Variants in KIAA1217 observed in about 807,000 individuals in gnomAD.
The protein encoded by KIAA1217 is KIAA1217, also known as sickle tail protein homolog.
A neutral mutation model predicts 163.9 loss-of-function variants in KIAA1217; 88 were observed. That is an observed-to-expected ratio of 0.54 (90% CI 0.45 to 0.64). The LOEUF (loss-of-function observed/expected upper bound fraction) is 0.64, where lower values mean the gene tolerates loss of function less well. Ranked by LOEUF, KIAA1217 falls within the 30% of genes least tolerant of loss-of-function variation. The pLI, the probability that KIAA1217 is intolerant of heterozygous loss-of-function variation, is 0.00. For synonymous variants in KIAA1217, 903 were observed against 923.1 expected (o/e 0.98, Z 0.39); for missense variants, 2,372 against 2,475.0 (o/e 0.96, Z 0.88).
chr10:24,201,602 C>T (rs1009670355), intron 2 of KIAA1217, among the ~76,000 whole-genome samples: 1 of 152,074 alleles, frequency 6.6e-6, no homozygotes, highest in East Asian at 1.9e-4. Context: ...CCAGCACCCC[C>T]TCTACCCACT....
intron 2 of KIAA1217, among the ~76,000 whole-genome samples, chr10:24,166,508 C>A (rs879918515): frequency 6.6e-6 from 1 of 152,032 alleles, no homozygotes; most frequent in African/African-American, 2.4e-5. Flanking sequence ...CAGGTCAAGG[C>A]GGGTGGATCA....
chr10:24,501,560 C>A lies in KIAA1217; in HGVS notation c.2001+15C>A. The A allele has an allele frequency of 6.2e-7, 1 of 1,607,958 alleles. No homozygotes were observed. The highest frequency in any genetic ancestry group is 1.1e-5 in the South Asian group (1 of 90,776). On this transcript the variant is annotated intron_variant, in intron 9 of 20. Transcript: ENST00000376454. ...GGCAGCTCCAGGTATTCCTCATGCACGGCGGCCTCTGTCTCGGTTGCCCTG... is the reference window on the plus strand; with the variant it reads ...GGCAGCTCCAGGTATTCCTCATGCAAGGCGGCCTCTGTCTCGGTTGCCCTG...
chr10:24,065,318 G>A (rs1457406820), intron 2 of KIAA1217, among the ~76,000 whole-genome samples: 2 of 151,958 alleles, frequency 1.3e-5, no homozygotes, highest in Non-Finnish European at 2.9e-5. Context: ...CTTTGAATGT[G>A]TCCCAGAGAT....
At chr10:24,534,989 G>A (rs1361434917) in intron 16 of KIAA1217, among the ~76,000 whole-genome samples, 1 of 150,562 alleles carries the variant, frequency 6.6e-6, no homozygotes, top group Non-Finnish European at 1.5e-5. Flanking sequence ...TGCTAAATCC[G>A]CAACTCGATC....
intron 1 of KIAA1217, among the ~76,000 whole-genome samples, chr10:23,790,407 A>ATATG (rs1835795014): frequency 9.5e-6 from 1 of 105,802 alleles, no homozygotes; most frequent in Non-Finnish European, 1.9e-5. Flanking sequence ...ATACATATAT[A>ATATG]CATATACATA....
intron 2 of KIAA1217, among the ~76,000 whole-genome samples, chr10:24,310,878 T>A (rs1564449737): frequency 6.6e-6 from 1 of 152,208 alleles, no homozygotes; most frequent in East Asian, 1.9e-4. Context: ...ACACCTGTAG[T>A]CCTAGCTATT....
chr10:23,834,177 C>G (rs1464932316), intron 1 of KIAA1217, among the ~76,000 whole-genome samples: 1 of 152,042 alleles, frequency 6.6e-6, no homozygotes, highest in African/African-American at 2.4e-5. Flanking sequence ...TTTGTTTTAT[C>G]TTTTCTATCT....
intron 2 of KIAA1217, among the ~76,000 whole-genome samples, chr10:24,361,523 T>C (rs2049996694): frequency 6.6e-6 from 1 of 152,170 alleles, no homozygotes; most frequent in South Asian, 2.1e-4. Context: ...CACTTAATTA[T>C]ATGTGTGAAC....
intron 3 of KIAA1217, among the ~76,000 whole-genome samples, chr10:24,383,970 C>T (rs2053656679): frequency 6.6e-6 from 1 of 152,222 alleles, no homozygotes; most frequent in Non-Finnish European, 1.5e-5. Flanking sequence ...CCTGCCTGGC[C>T]TTATTTAACA....
At chr10:24,408,781 A>G (rs1024344882) in intron 3 of KIAA1217, among the ~76,000 whole-genome samples, 2 of 152,146 alleles carry the variant, frequency 1.3e-5, no homozygotes, top group Non-Finnish European at 2.9e-5. Flanking sequence ...TCTGGCCACA[A>G]TCTCTGAAAT....
chr10:23,893,134 G>A (rs907246487), intron 1 of KIAA1217, among the ~76,000 whole-genome samples: 2 of 152,014 alleles, frequency 1.3e-5, no homozygotes, highest in Non-Finnish European at 2.9e-5. Flanking sequence ...ACTCTATTTG[G>A]TTGGTAAGCT....
intron 1 of KIAA1217, among the ~76,000 whole-genome samples, chr10:23,841,827 CTTTATTTTATTTTATTTTAT>C (rs376133012): frequency 4.5e-4 from 60 of 133,568 alleles, no homozygotes; most frequent in African/African-American, 8.8e-4. Flanking sequence ...ACCATTGGGA[CTTTATTTTATTTTATTTTAT>C]TTTATTTTAT....
chr10:23,820,600 G>A (rs1339448267), intron 1 of KIAA1217, among the ~76,000 whole-genome samples: 1 of 152,208 alleles, frequency 6.6e-6, no homozygotes, highest in African/African-American at 2.4e-5. Flanking sequence ...GATAAATGTG[G>A]GTTGTCAGAG....
At position 24,356,354 on chromosome 10, in the gene KIAA1217, A is replaced by G. The variant is rs578109227; in HGVS notation, c.355-24515A>G. Among the ~76,000 whole-genome samples, 7 of 152,318 alleles carry G rather than the reference A, an allele frequency of 4.6e-5. No individual in the cohort carries two copies. In the South Asian group the frequency reaches 1.2e-3, roughly 27 times the overall value. On this transcript the variant is annotated intron_variant, in intron 2 of 20. Coordinates refer to ENST00000376454, the MANE Select transcript of KIAA1217 (RefSeq NM_019590.5). ...TAAAACAGCATCGAATGCTGAATCT[A>G]CATCTTGAACCCAGGTCCTTCTGAC... is the stretch of plus-strand genomic sequence containing the variant.
chr10:24,113,867 A>G (rs2062950296), intron 2 of KIAA1217, among the ~76,000 whole-genome samples: 1 of 152,222 alleles, frequency 6.6e-6, no homozygotes, highest in Admixed American at 6.5e-5. Context: ...TCATGTGGCC[A>G]GTGCAAAATG....
intron 2 of KIAA1217, among the ~76,000 whole-genome samples, chr10:24,062,688 G>T (rs1337319868): frequency 6.6e-6 from 1 of 151,886 alleles, no homozygotes; most frequent in Non-Finnish European, 1.5e-5. Flanking sequence ...GGTATTTCTA[G>T]TTCTAGATCC....
At chr10:23,851,645 C>T (rs1839331898) in intron 1 of KIAA1217, among the ~76,000 whole-genome samples, 1 of 152,134 alleles carries the variant, frequency 6.6e-6, no homozygotes, top group African/African-American at 2.4e-5. Context: ...TAAAAGTGTT[C>T]CTATTTCTCC....
At chr10:24,232,953 A>AG (rs2071645052) in intron 2 of KIAA1217, among the ~76,000 whole-genome samples, 2 of 149,482 alleles carry the variant, frequency 1.3e-5, no homozygotes, top group Non-Finnish European at 3.0e-5. Context: ...AAAAAAAAAA[A>AG]AAAAAAAAAG....
chr10:24,132,322 A>G (rs1040025814), intron 2 of KIAA1217, among the ~76,000 whole-genome samples: 9 of 152,224 alleles, frequency 5.9e-5, no homozygotes, highest in African/African-American at 1.9e-4. Flanking sequence ...CACATCATCA[A>G]TAATTTTGAG....
Sources: gnomAD v4.1 joint callset for allele counts (sites outside exome capture counted in the v4.1 genomes callset) on GRCh38, gnomAD v4.1.1 for gene constraint, MANE v1.5 for transcripts, NCBI Gene and HGNC (gene_info 2026-07-23, HGNC 2026-07-21) for gene names.